The following EPB41 variants were observed in gnomAD, a reference collection of about 807,000 sequenced individuals.
The protein encoded by EPB41 is protein 4.1.
A neutral mutation model predicts 108.0 loss-of-function variants in EPB41; 65 were observed. The observed-to-expected ratio is 0.60, with a 90% CI of 0.49 to 0.74. The LOEUF (loss-of-function observed/expected upper bound fraction) is 0.74. EPB41 is among the 30% of genes least tolerant of loss of function. EPB41 has a pLI of 0.00. For synonymous variants in EPB41, 336 were observed against 358.9 expected, an observed-to-expected ratio of 0.94 and a Z score of 0.72; for missense variants, 875 against 1,037.0, an observed-to-expected ratio of 0.84 and a Z score of 2.15.
chr1:29,098,468 T>C lies in EPB41; in HGVS notation c.2313+533T>C, dbSNP rs182118540. ...TCTTGGCCTCCCAAAGTGCTGAGAT[T>C]ATAGGCGTGAGCCACCACGCCTGGC... On this transcript the variant is annotated intron_variant, in intron 17 of 20. Transcript: ENST00000343067. 3.1e-3 allele frequency among the ~76,000 whole-genome samples: 465 copies of C among 152,304 alleles called. 3 individuals are homozygous for C. Among genetic ancestry groups the C allele is most frequent in the African/African-American group, 0.011 (444 of 41,576 alleles).
At chr1:29,106,591 T>TTTTTTTTTTG (rs869202248) in intron 17 of EPB41, among the ~76,000 whole-genome samples, 2 of 140,556 alleles carry the variant, frequency 1.4e-5, no homozygotes, top group Admixed American at 7.3e-5. Context: ...TTTTTTTTTT[T>TTTTTTTTTTG]GAGATGGAGT....
chr1:28,976,070 G>T (rs529319169), intron 1 of EPB41, among the ~76,000 whole-genome samples: 2 of 152,226 alleles, frequency 1.3e-5, no homozygotes, highest in African/African-American at 2.4e-5. Context: ...ACAGATAGGG[G>T]TTTAGTTAAC....
At chr1:29,031,593 T>C (rs1448540854) in intron 8 of EPB41, among the ~76,000 whole-genome samples, 1 of 152,148 alleles carries the variant, frequency 6.6e-6, no homozygotes, top group African/African-American at 2.4e-5. Flanking sequence ...TGAGTTAGAC[T>C]CTCTGGAGGT....
Position 29,086,940 on chromosome 1 carries a change from C to CTTTTTTTTTT in EPB41, c.2185-10854_2185-10845dup, listed in dbSNP as rs386366593. 5.1e-5 allele frequency among the ~76,000 whole-genome samples: 5 copies of CTTTTTTTTTT among 98,560 alleles called. 1 individual carries two copies. The highest frequency in any genetic ancestry group is 3.7e-4 in the South Asian group (1 of 2,714). 64.7% of individuals were successfully genotyped at this position (98,560 alleles called of 152,430 possible). A position where few individuals can be genotyped will look rare whatever the true frequency, so the allele number is the denominator to read the frequency against. On this transcript the variant is annotated intron_variant, in intron 16 of 20. Transcript: ENST00000343067. ...CACTCTTGTAAGCTTAACTGTGGTT[C>CTTTTTTTTTT]TTTTTTTTTTTTTTTTTTTTTTGAG...
intron 1 of EPB41, among the ~76,000 whole-genome samples, chr1:28,981,250 A>T (rs992663005): frequency 6.6e-6 from 1 of 152,262 alleles, no homozygotes; most frequent in Non-Finnish European, 1.5e-5. Context: ...CTTGTGAAAC[A>T]AATTTCTGCA....
chr1:28,920,662 A>C (rs1186107123), intron 1 of EPB41, among the ~76,000 whole-genome samples: 1 of 152,070 alleles, frequency 6.6e-6, no homozygotes, highest in African/African-American at 2.4e-5. Context: ...TTTTTGAGAC[A>C]GGGTCTTACT....
At chr1:29,103,765 T>G (rs1329170547) in intron 17 of EPB41, among the ~76,000 whole-genome samples, 2 of 152,162 alleles carry the variant, frequency 1.3e-5, no homozygotes, top group African/African-American at 4.8e-5. Flanking sequence ...CCTCCCAGGT[T>G]CAAGCAATTC....
rs1165848265 is a variant in EPB41 at position 29,107,906 on chromosome 1, A to G, written c.2314-1430A>G. 6.2e-5 allele frequency among the ~76,000 whole-genome samples: 9 copies of G among 146,300 alleles called. No homozygotes were observed. The East Asian group carries it at 1.1e-3, about 17-fold the overall frequency. On this transcript the variant is annotated intron_variant, in intron 17 of 20. Coordinates refer to ENST00000343067, the MANE Select transcript of EPB41 (RefSeq NM_001376013.1). Reference sequence around the variant, plus strand: ...TAGCCGGGCGTGGTGGCGCGTGCCTATATTCCCAGCTACTCAGGAGGCTGA... The same window carrying G: ...TAGCCGGGCGTGGTGGCGCGTGCCTGTATTCCCAGCTACTCAGGAGGCTGA...
chr1:29,068,707 A>T, intron 16 of EPB41: 1 of 1,230,128 alleles, frequency 8.1e-7, no homozygotes, highest in Non-Finnish European at 1.0e-6. Context: ...AGGCAACTGA[A>T]TTTTATATAA....
chr1:28,987,681 C>T lies in EPB41; in HGVS notation c.244C>T (p.Leu82=), dbSNP rs1297249424. Residue 82 remains leucine, a synonymous_variant, in exon 2 of 21, where the codon CTA becomes TTA. Transcript: ENST00000343067. ...RTSESRGLSR[L]FSSFLKRPKS... is the part of the protein sequence containing the mutation. ...ATCAGAAAGCAGAGGACTTTCACGACTATTCTCCTCGTTTCTCAAAAGGCC... is the reference window on the plus strand; with the variant it reads ...ATCAGAAAGCAGAGGACTTTCACGATTATTCTCCTCGTTTCTCAAAAGGCC... 1 of 1,614,212 alleles carries T rather than the reference C, an allele frequency of 6.2e-7. No homozygotes were observed. Among genetic ancestry groups the T allele is most frequent in the South Asian group, 1.1e-5 (1 of 91,088 alleles).
intron 1 of EPB41, among the ~76,000 whole-genome samples, chr1:28,939,413 G>T (rs780451497): frequency 1.3e-5 from 2 of 151,594 alleles, no homozygotes; most frequent in African/African-American, 2.4e-5. Context: ...ATTTTGTTGA[G>T]GGTTTTTGTG....
At chr1:28,979,483 A>G (rs1031598920) in intron 1 of EPB41, among the ~76,000 whole-genome samples, 1 of 151,470 alleles carries the variant, frequency 6.6e-6, no homozygotes, top group Admixed American at 6.6e-5. Flanking sequence ...AACACCCTTC[A>G]TTACAGAATA....
upstream of EPB41, among the ~76,000 whole-genome samples, chr1:28,912,728 T>C (rs2092320172): frequency 6.6e-6 from 1 of 152,010 alleles, no homozygotes. Context: ...GTGATTCTCC[T>C]GCCTCAACCT....
At chr1:28,962,304 G>A (rs1330183249) in intron 1 of EPB41, among the ~76,000 whole-genome samples, 3 of 151,914 alleles carry the variant, frequency 2.0e-5, no homozygotes, top group South Asian at 2.1e-4. Flanking sequence ...CAGGTGATCC[G>A]CCTGCCTCAG....
At position 29,112,786 on chromosome 1, in the gene EPB41, G is replaced by C. The variant is rs565519536; in HGVS notation, c.2496+338G>C. ...TATCTCCCTCTCAGGGTTGTTGTGA[G>C]AATCAGGTGAAATACTGGATGAACA... On this transcript the variant is annotated intron_variant, in intron 19 of 20. Coordinates refer to ENST00000343067, the MANE Select transcript of EPB41 (RefSeq NM_001376013.1). 1.6e-4 allele frequency among the ~76,000 whole-genome samples: 25 copies of C among 152,284 alleles called. 2 individuals are homozygous for C. In the South Asian group the frequency reaches 5.0e-3, roughly 30 times the overall value.
intron 12 of EPB41, among the ~76,000 whole-genome samples, chr1:29,057,641 T>G (rs1337865452): frequency 6.6e-6 from 1 of 152,196 alleles, no homozygotes; most frequent in Non-Finnish European, 1.5e-5. Context: ...ACAAAGTGAT[T>G]TAGCCCTTAG....
At chr1:28,930,033 T>C (rs1401506901) in intron 1 of EPB41, among the ~76,000 whole-genome samples, 2 of 151,672 alleles carry the variant, frequency 1.3e-5, no homozygotes, top group South Asian at 4.1e-4. Flanking sequence ...TTAGCAGTCA[T>C]TCCCCATTCC....
rs145627468 is a variant in EPB41 at position 28,986,774 on chromosome 1, GA to G, written c.-7-647del. ...GCAAGACCCCATTCTCCACAAAAAG[GA>G]AAAAAAAAAGGGATACCTCTGAAAG... On this transcript the variant is annotated intron_variant, in intron 1 of 20. Transcript: ENST00000343067. Among the ~76,000 whole-genome samples, 27 of 144,926 alleles carry G rather than the reference GA, an allele frequency of 1.9e-4. No individual in the cohort carries two copies. In the East Asian group the frequency reaches 3.0e-3, roughly 16 times the overall value.
chr1:28,962,623 G>T (rs2095251871), intron 1 of EPB41, among the ~76,000 whole-genome samples: 1 of 151,336 alleles, frequency 6.6e-6, no homozygotes, highest in African/African-American at 2.5e-5. Flanking sequence ...TTCTGTCTCT[G>T]GATTTGACTA....
Sources: allele counts gnomAD v4.1 joint callset (sites outside exome capture counted in the v4.1 genomes callset), GRCh38; gene constraint gnomAD v4.1.1; transcripts MANE v1.5; gene names NCBI Gene and HGNC (gene_info 2026-07-23, HGNC 2026-07-21).